Variants in DICER1 observed in about 807,000 individuals in gnomAD.
DICER1 encodes the protein dicer 1, ribonuclease III, also known as endoribonuclease Dicer.
A neutral mutation model predicts 194.1 loss-of-function variants in DICER1; 43 were observed. The ratio of observed to expected loss-of-function variants is 0.22; its 90% CI spans 0.17 to 0.29. The LOEUF (loss-of-function observed/expected upper bound fraction) is 0.29, where lower values mean the gene tolerates loss of function less well. DICER1 is among the 10% of genes least tolerant of loss of function. The pLI, the probability that DICER1 is intolerant of heterozygous loss-of-function variation, is 1.00. For synonymous variants in DICER1, 832 were observed against 820.5 expected, an observed-to-expected ratio of 1.01 and a Z score of -0.24; for missense variants, 1,608 against 2,317.0, an observed-to-expected ratio of 0.69 and a Z score of 6.28.
chr14:95,117,565 CTT>C, intron 9 of DICER1, 55 bp downstream of exon 9: 1 of 1,593,630 alleles, frequency 6.3e-7, no homozygotes, highest in Admixed American at 1.7e-5. Context: ...CCTATGGGCA[CTT>C]TGTCTGTATA....
At chr14:95,129,233 A>T in intron 6 of DICER1, 1 of 463,382 alleles carries the variant, frequency 2.2e-6, no homozygotes, top group Non-Finnish European at 3.9e-6. Context: ...AAATAGGAAG[A>T]GCTGACACAT....
rs1010782789 is a variant in DICER1 at position 95,108,644 on chromosome 14, C to T, written c.2257-141G>A. On this transcript the variant is annotated intron_variant, in intron 14 of 26. Coordinates refer to ENST00000343455, the MANE Select transcript of DICER1 (RefSeq NM_177438.3). ...AGAAAATACCCGAGGCATGACACTT[C>T]TTAATTACTTAACCCTGCTGGGTAA... The T allele has an allele frequency of 4.9e-6, 4 of 814,790 alleles. No homozygotes were observed. In the Admixed American group the frequency reaches 6.0e-5, roughly 12 times the overall value. 50.5% of individuals were successfully genotyped at this position (814,790 alleles called of 1,614,324 possible). A position where few individuals can be genotyped will look rare whatever the true frequency, so the allele number is the denominator to read the frequency against.
At chr14:95,153,683 C>T (rs910622396) in intron 1 of DICER1, among the ~76,000 whole-genome samples, 6 of 152,218 alleles carry the variant, frequency 3.9e-5, no homozygotes, top group Admixed American at 3.3e-4. Context: ...CCTCCACATT[C>T]TATACTACCA....
Position 95,104,093 on chromosome 14 carries a change from A to G in DICER1, c.3303T>C (p.Ser1101=), listed in dbSNP as rs755766860. The part of the protein sequence containing the change: ...YPNLDFGWKK[S]IDSKSFISIS... ...TTGAGATGAAAGATTTGCTGTCAAT[A>G]GATTTTTTCCACCCGAAGTCTAAGT... Residue 1101 remains serine, a synonymous_variant, in exon 21 of 27, where the codon TCT becomes TCC. Coordinates refer to ENST00000343455, the MANE Select transcript of DICER1 (RefSeq NM_177438.3). The G allele has an allele frequency of 1.9e-6, 3 of 1,613,792 alleles. No homozygotes were observed. The African/African-American group carries it at 4.0e-5, about 22-fold the overall frequency.
chr14:95,095,574 A>C, intron 23 of DICER1: 1 of 509,708 alleles, frequency 2.0e-6, no homozygotes, highest in Non-Finnish European at 3.6e-6. Context: ...TTCTCTAATT[A>C]GGCAGATATA....
chr14:95,156,981 G>A (rs980470454), intron 1 of DICER1, among the ~76,000 whole-genome samples: 2 of 152,154 alleles, frequency 1.3e-5, no homozygotes, highest in Admixed American at 6.5e-5. Context: ...TCCCAGGGCT[G>A]CCTCGCGGGG....
chr14:95,132,934 A>G (rs2140291842), intron 2 of DICER1, among the ~76,000 whole-genome samples: 1 of 152,342 alleles, frequency 6.6e-6, no homozygotes, highest in African/African-American at 2.4e-5. Flanking sequence ...TTTTGTATAC[A>G]CAGAATACTT....
chr14:95,142,586 T>C (rs1327157084), intron 1 of DICER1, among the ~76,000 whole-genome samples: 1 of 152,252 alleles, frequency 6.6e-6, no homozygotes, highest in South Asian at 2.1e-4. Context: ...ATCCACATTA[T>C]TTCCATTGAT....
chr14:95,150,095 A>G (rs1347773200), intron 1 of DICER1, among the ~76,000 whole-genome samples: 1 of 152,252 alleles, frequency 6.6e-6, no homozygotes, highest in Non-Finnish European at 1.5e-5. Flanking sequence ...AAGATGTTTC[A>G]GAAACAATTT....
chr14:95,151,663 C>T (rs907550769), intron 1 of DICER1, among the ~76,000 whole-genome samples: 5 of 152,152 alleles, frequency 3.3e-5, no homozygotes, highest in African/African-American at 4.8e-5. Context: ...TCTTAAGCAT[C>T]CCTACAAAGC....
chr14:95,108,834 A>G (rs1566778690), intron 14 of DICER1, among the ~76,000 whole-genome samples: 1 of 152,202 alleles, frequency 6.6e-6, no homozygotes, highest in Non-Finnish European at 1.5e-5. Flanking sequence ...CTGACAAGAA[A>G]ACTCATCTCT....
intron 11 of DICER1, among the ~76,000 whole-genome samples, chr14:95,113,816 G>A (rs962674631): frequency 9.9e-5 from 15 of 152,226 alleles, no homozygotes; most frequent in African/African-American, 3.4e-4. Flanking sequence ...GGAGGGTGCT[G>A]GAATGGGCAG....
chr14:95,091,507 AT>A, intron 24 of DICER1, 142 bp from the exon 25 acceptor site: 1 of 763,934 alleles, frequency 1.3e-6, no homozygotes, highest in Non-Finnish European at 2.2e-6. Flanking sequence ...TGCCTACTAT[AT>A]TGTAATAGTA....
At chr14:95,092,625 G>A (rs1212651959) in intron 24 of DICER1, among the ~76,000 whole-genome samples, 1 of 152,158 alleles carries the variant, frequency 6.6e-6, no homozygotes, top group Non-Finnish European at 1.5e-5. Context: ...GAGGTAAAGA[G>A]ACTTTCTTAA....
chr14:95,134,594 A>G (rs1451207954), intron 1 of DICER1: 1 of 152,272 alleles, frequency 6.6e-6, no homozygotes, highest in African/African-American at 2.4e-5. Context: ...AAGTTGTTGC[A>G]ACTATTTCAA....
At chr14:95,119,556 G>A (rs1053194567) in intron 8 of DICER1, among the ~76,000 whole-genome samples, 9 of 152,170 alleles carry the variant, frequency 5.9e-5, no homozygotes, top group Non-Finnish European at 1.3e-4. Context: ...TAAAGAGTTT[G>A]TAACACCACA....
At chr14:95,131,052 G>A (rs1893907161) in intron 4 of DICER1, among the ~76,000 whole-genome samples, 3 of 152,092 alleles carry the variant, frequency 2.0e-5, no homozygotes. Flanking sequence ...TTTTTTCTGA[G>A]ATGGAGTCTC....
In DICER1 at chr14:95,103,619, G is replaced by A. The variant is rs770390974; in HGVS notation, c.3777C>T (p.Ala1259=). Residue 1259 remains alanine, a synonymous_variant, in exon 21 of 27, where the codon GCC becomes GCT. Coordinates refer to ENST00000343455, the MANE Select transcript of DICER1 (RefSeq NM_177438.3). The stretch of plus-strand genomic sequence containing the variant: ...TAGTGTCTGTCGTACCAGGCATTAC[G>A]GCCATCACAGGACTTCCATCTGAGG... ...KSTSDGSPVM[A]VMPGTTDTIQ... 8.7e-6 allele frequency: 14 copies of A among 1,614,032 alleles called. No individual in the cohort carries two copies. The highest frequency in any genetic ancestry group is 2.2e-5 in the East Asian group (1 of 44,890).
chr14:95,135,331 T>C (rs73331555), intron 1 of DICER1, among the ~76,000 whole-genome samples: 5,051 of 152,232 alleles, frequency 0.033, 307 homozygotes, highest in African/African-American at 0.12. Context: ...TAAGTTCTGA[T>C]GATGGATGAA....
Sources: allele counts gnomAD v4.1 joint callset (sites outside exome capture counted in the v4.1 genomes callset), GRCh38; gene constraint gnomAD v4.1.1; transcripts MANE v1.5; gene names NCBI Gene and HGNC (gene_info 2026-07-23, HGNC 2026-07-21).